The following CAPN5 variants were observed in gnomAD, a reference collection of about 807,000 sequenced individuals.
CAPN5 encodes the protein calpain 5, also known as calpain-5.
A neutral mutation model predicts 73.0 loss-of-function variants in CAPN5; 54 were observed. The observed-to-expected ratio is 0.74, with a 90% CI of 0.59 to 0.93. The LOEUF (loss-of-function observed/expected upper bound fraction) is 0.93. Ranked by LOEUF, CAPN5 falls within the 40% of genes least tolerant of loss-of-function variation. The pLI is 0.00. For synonymous variants in CAPN5, 335 were observed against 356.9 expected (o/e 0.94, Z 0.69); for missense variants, 785 against 882.9 (o/e 0.89, Z 1.41).
chr11:77,115,322 C>T (rs189543998), intron 5 of CAPN5, 73 bp from the exon 6 acceptor site: 9 of 1,280,138 alleles, frequency 7.0e-6, no homozygotes, highest in Non-Finnish European at 8.7e-6. Flanking sequence ...GCCTCCTAGC[C>T]CTCCAGCACC....
chr11:77,071,851 G>A (rs1384708175), intron 1 of CAPN5, among the ~76,000 whole-genome samples: 3 of 152,198 alleles, frequency 2.0e-5, no homozygotes, highest in African/African-American at 7.2e-5. Context: ...GACATGGTCT[G>A]CCATTGCAGG....
intron 1 of CAPN5, among the ~76,000 whole-genome samples, chr11:77,080,895 T>C (rs1950020965): frequency 6.6e-6 from 1 of 152,196 alleles, no homozygotes; most frequent in Non-Finnish European, 1.5e-5. Context: ...CAGATCTGAC[T>C]GACCTGCCAG....
intron 3 of CAPN5, among the ~76,000 whole-genome samples, chr11:77,095,678 G>C (rs1468032894): frequency 1.3e-5 from 2 of 152,216 alleles, no homozygotes; most frequent in African/African-American, 4.8e-5. Flanking sequence ...GAGGCCATCT[G>C]TCTGGCCGTT....
rs1178185718 is a variant in CAPN5 at position 77,067,103 on chromosome 11, C to G, written c.-36+9C>G. 1 of 150,990 alleles carries G rather than the reference C, an allele frequency of 6.6e-6. No homozygotes were observed. The highest frequency in any genetic ancestry group is 1.5e-5 in the Non-Finnish European group (1 of 67,832). 9.4% of individuals were successfully genotyped at this position (150,990 alleles called of 1,614,324 possible). A position where few individuals can be genotyped will look rare whatever the true frequency, so the allele number is the denominator to read the frequency against. On this transcript the variant is annotated intron_variant, in intron 1 of 12. Coordinates refer to ENST00000648180, the MANE Select transcript of CAPN5 (RefSeq NM_004055.5). ...CCGCGGCGGCTCGGCCGGTAGGAGG[C>G]GGGCGGAGGGAGGCGTGTGCTTCTG...
chr11:77,114,867 C>G (rs532086079), intron 5 of CAPN5, among the ~76,000 whole-genome samples: 3 of 149,146 alleles, frequency 2.0e-5, no homozygotes, highest in African/African-American at 4.9e-5. Context: ...CCCACCATGG[C>G]TGATTTCCAA....
chr11:77,094,195 C>T (rs1419995065), intron 3 of CAPN5, among the ~76,000 whole-genome samples: 1 of 152,264 alleles, frequency 6.6e-6, no homozygotes, highest in Non-Finnish European at 1.5e-5. Flanking sequence ...CTGTGTGACT[C>T]AGCTGGTTGC....
intron 3 of CAPN5, among the ~76,000 whole-genome samples, chr11:77,107,001 GA>G (rs1950356554): frequency 1.3e-5 from 2 of 152,202 alleles, no homozygotes; most frequent in South Asian, 4.1e-4. Context: ...GGGGAAGGGG[GA>G]CTCCCCCAAG....
chr11:77,084,092 C>T (rs1228767080), intron 1 of CAPN5, among the ~76,000 whole-genome samples: 6 of 152,322 alleles, frequency 3.9e-5, no homozygotes, highest in South Asian at 2.1e-4. Context: ...CATCTCTCAG[C>T]GCACCTGATA....
intron 4 of CAPN5, 57 bp from the exon 5 acceptor site, chr11:77,114,185 A>C: frequency 6.5e-7 from 1 of 1,544,586 alleles, no homozygotes; most frequent in African/African-American, 1.4e-5. Context: ...TATGAGGTAA[A>C]GGATGCAGCC....
intron 1 of CAPN5, among the ~76,000 whole-genome samples, chr11:77,070,425 T>G (rs1555032851): frequency 6.6e-6 from 1 of 152,220 alleles, no homozygotes; most frequent in Non-Finnish European, 1.5e-5. Context: ...GTGTAACTTC[T>G]GCCAGTTGGA....
intron 3 of CAPN5, among the ~76,000 whole-genome samples, chr11:77,099,514 G>C (rs1452265002): frequency 1.3e-5 from 2 of 151,204 alleles, no homozygotes; most frequent in Non-Finnish European, 3.0e-5. Context: ...GATCACTCGC[G>C]GTTAGGGGCT....
chr11:77,090,750 C>T (rs1206377778), intron 2 of CAPN5, among the ~76,000 whole-genome samples: 2 of 152,162 alleles, frequency 1.3e-5, no homozygotes, highest in Non-Finnish European at 2.9e-5. Context: ...ATATGGAAGC[C>T]CCTCTCCCTT....
chr11:77,093,535 G>A (rs1310293001), intron 2 of CAPN5, 147 bp from the exon 3 acceptor site: 52 of 1,323,988 alleles, frequency 3.9e-5, no homozygotes, highest in Non-Finnish European at 1.8e-5. Context: ...GGGGCCCCAA[G>A]TCTGTGGTGG....
At chr11:77,123,476 T>C (rs1334178209) in intron 12 of CAPN5, among the ~76,000 whole-genome samples, 3 of 152,124 alleles carry the variant, frequency 2.0e-5, no homozygotes, top group African/African-American at 7.2e-5. Context: ...ACTTTATGCA[T>C]GGGAGGGAGC....
intron 3 of CAPN5, among the ~76,000 whole-genome samples, chr11:77,102,582 C>G (rs1173261570): frequency 6.6e-6 from 1 of 152,254 alleles, no homozygotes; most frequent in African/African-American, 2.4e-5. Context: ...CCCCAAGGAA[C>G]CTGCCACCTT....
At chr11:77,103,344 G>T in intron 3 of CAPN5, 1 of 1,600,930 alleles carries the variant, frequency 6.2e-7, no homozygotes. Flanking sequence ...GCAGCTGCCA[G>T]CTGCTGCTCT....
At chr11:77,085,126 C>T (rs782426524) in intron 2 of CAPN5, 75 bp downstream of exon 2, 17 of 1,360,444 alleles carry the variant, frequency 1.2e-5, no homozygotes, top group Admixed American at 1.8e-5. Flanking sequence ...GCAGGGACAT[C>T]GGGGTGGTGG....
At chr11:77,078,755 A>C (rs1464118344) in intron 1 of CAPN5, among the ~76,000 whole-genome samples, 4 of 149,220 alleles carry the variant, frequency 2.7e-5, no homozygotes, top group African/African-American at 9.7e-5. Context: ...AATTTCTTTC[A>C]TCAGTGTTTC....
chr11:77,100,517 G>A (rs955860846), intron 3 of CAPN5, among the ~76,000 whole-genome samples: 1 of 152,116 alleles, frequency 6.6e-6, no homozygotes, highest in Non-Finnish European at 1.5e-5. Context: ...CCCTCCCCAG[G>A]GGTCTTGTGC....
Sources: gnomAD v4.1 joint callset for allele counts (sites outside exome capture counted in the v4.1 genomes callset) on GRCh38, gnomAD v4.1.1 for gene constraint, MANE v1.5 for transcripts, NCBI Gene and HGNC (gene_info 2026-07-23, HGNC 2026-07-21) for gene names.